ADAMTS17: variants seen among roughly 807,000 people sequenced by gnomAD.
ADAMTS17 encodes the protein A disintegrin and metalloproteinase with thrombospondin motifs 17.
ADAMTS17 carries 113 observed loss-of-function variants against 141.5 expected under a neutral mutation model. That is an observed-to-expected ratio of 0.80 (90% CI 0.69 to 0.93). The LOEUF is 0.93. Ranked by LOEUF, ADAMTS17 falls within the 40% of genes least tolerant of loss-of-function variation. The pLI is 0.00. For missense variants in ADAMTS17, 1,659 were observed against 1,517.9 expected, an observed-to-expected ratio of 1.09 and a Z score of -1.54; for synonymous variants, 768 against 630.6, an observed-to-expected ratio of 1.22 and a Z score of -3.27.
chr15:100,136,484 C>T (rs2038339833), intron 10 of ADAMTS17, among the ~76,000 whole-genome samples: 1 of 152,208 alleles, frequency 6.6e-6, no homozygotes, highest in African/African-American at 2.4e-5. Context: ...CTTGTCATCA[C>T]CTTGATGCCT....
chr15:100,263,107 G>A (rs1004949765), intron 4 of ADAMTS17, among the ~76,000 whole-genome samples: 4 of 152,136 alleles, frequency 2.6e-5, no homozygotes, highest in Admixed American at 1.3e-4. Context: ...AAAAAAGAAG[G>A]GGCAGAAGGT....
chr15:100,162,758 A>G (rs560106279), intron 8 of ADAMTS17, among the ~76,000 whole-genome samples: 1 of 140,820 alleles, frequency 7.1e-6, no homozygotes, highest in East Asian at 3.1e-4. Context: ...CATTATATAT[A>G]GGCACATATA....
At chr15:100,113,115 G>T (rs546342407) in intron 13 of ADAMTS17, among the ~76,000 whole-genome samples, 11 of 152,050 alleles carry the variant, frequency 7.2e-5, no homozygotes, top group Non-Finnish European at 1.6e-4. Flanking sequence ...ATCAGTCCCC[G>T]GCGGACAGGC....
chr15:100,207,603 G>A (rs2041626355), intron 7 of ADAMTS17, among the ~76,000 whole-genome samples: 2 of 152,224 alleles, frequency 1.3e-5, no homozygotes, highest in Non-Finnish European at 2.9e-5. Flanking sequence ...AGTTGTAGGA[G>A]CATCAGGTTG....
chr15:100,200,140 C>T (rs190048014), intron 7 of ADAMTS17, among the ~76,000 whole-genome samples: 11 of 152,332 alleles, frequency 7.2e-5, no homozygotes, highest in Middle Eastern at 3.4e-3. Context: ...CACACATGCT[C>T]GCACCTAAGG....
At position 99,991,825 on chromosome 15, in the gene ADAMTS17, C is replaced by T. The variant is rs569850317; in HGVS notation, c.2949+1223G>A. 1.7e-4 allele frequency among the ~76,000 whole-genome samples: 26 copies of T among 152,218 alleles called. No individual in the cohort carries two copies. In the South Asian group the frequency reaches 3.5e-3, roughly 21 times the overall value. ...AAGAAAATGTGGCACATATATACCA[C>T]GGAATACTATGCAGCCACAAAAAAG... On this transcript the variant is annotated intron_variant, in intron 20 of 21. Coordinates refer to ENST00000268070, the MANE Select transcript of ADAMTS17 (RefSeq NM_139057.4).
intron 18 of ADAMTS17, among the ~76,000 whole-genome samples, chr15:100,047,675 C>G (rs376953880): frequency 6.6e-6 from 1 of 152,162 alleles, no homozygotes; most frequent in East Asian, 1.9e-4. Flanking sequence ...CCTCCTCCAT[C>G]GTCTCTTACC....
At chr15:100,072,757 C>T (rs551470165) in intron 15 of ADAMTS17, among the ~76,000 whole-genome samples, 1 of 152,204 alleles carries the variant, frequency 6.6e-6, no homozygotes, top group Non-Finnish European at 1.5e-5. Context: ...AAAATTAATT[C>T]AAGATGGATT....
intron 14 of ADAMTS17, among the ~76,000 whole-genome samples, chr15:100,108,208 G>C (rs968493968): frequency 6.6e-6 from 1 of 150,730 alleles, no homozygotes; most frequent in Non-Finnish European, 1.5e-5. Context: ...GTCTTGCTTT[G>C]TTGCCCAGGC....
At chr15:100,105,066 C>T (rs570536136) in intron 14 of ADAMTS17, among the ~76,000 whole-genome samples, 1 of 152,352 alleles carries the variant, frequency 6.6e-6, no homozygotes, top group Non-Finnish European at 1.5e-5. Flanking sequence ...GGCTTTTTAA[C>T]TTCCTTCAGA....
intron 12 of ADAMTS17, among the ~76,000 whole-genome samples, chr15:100,127,275 G>T (rs1249989084): frequency 1.3e-5 from 2 of 152,120 alleles, no homozygotes; most frequent in Non-Finnish European, 2.9e-5. Context: ...CCTGGATTTG[G>T]GTGGGCCCTA....
chr15:100,252,032 C>G (rs2043171755), intron 7 of ADAMTS17, among the ~76,000 whole-genome samples: 1 of 152,082 alleles, frequency 6.6e-6, no homozygotes, highest in Admixed American at 6.5e-5. Context: ...GGCGCCCGAG[C>G]AAACCAATAA....
intron 7 of ADAMTS17, among the ~76,000 whole-genome samples, chr15:100,231,715 C>G (rs2042487538): frequency 6.6e-6 from 1 of 152,116 alleles, no homozygotes; most frequent in Admixed American, 6.5e-5. Flanking sequence ...TGGTCAGGTG[C>G]CGGTTTTTCT....
chr15:100,039,705 T>C (rs189348724), intron 18 of ADAMTS17, among the ~76,000 whole-genome samples: 41 of 152,324 alleles, frequency 2.7e-4, no homozygotes, highest in Non-Finnish European at 4.3e-4. Flanking sequence ...ATTCTGCTGT[T>C]GTTAGGTGGA....
chr15:100,191,128 G>A (rs2040901787), intron 8 of ADAMTS17, among the ~76,000 whole-genome samples: 1 of 152,206 alleles, frequency 6.6e-6, no homozygotes. Context: ...TGGTTATTTA[G>A]CCAAACTCAA....
chr15:100,067,078 C>T (rs1043042212), intron 15 of ADAMTS17, among the ~76,000 whole-genome samples: 16 of 151,350 alleles, frequency 1.1e-4, no homozygotes, highest in Admixed American at 8.6e-4. Flanking sequence ...TTGAAATACA[C>T]TTTTCCGCTG....
At chr15:100,268,449 C>G (rs1485820816) in intron 4 of ADAMTS17, among the ~76,000 whole-genome samples, 3 of 152,168 alleles carry the variant, frequency 2.0e-5, no homozygotes, top group Admixed American at 2.0e-4. Context: ...TGCACCTTGC[C>G]AGCATCTGTT....
intron 7 of ADAMTS17, among the ~76,000 whole-genome samples, chr15:100,222,325 C>T (rs1293568011): frequency 2.0e-5 from 3 of 152,138 alleles, no homozygotes; most frequent in South Asian, 2.1e-4. Flanking sequence ...ACCATGCTGG[C>T]GGGCAGACCA....
intron 8 of ADAMTS17, among the ~76,000 whole-genome samples, chr15:100,170,159 G>C (rs2040107021): frequency 6.6e-6 from 1 of 152,002 alleles, no homozygotes; most frequent in Non-Finnish European, 1.5e-5. Flanking sequence ...ATGGGGTGGG[G>C]GTAGAGAACT....
Sources: allele counts gnomAD v4.1 joint callset (sites outside exome capture counted in the v4.1 genomes callset), GRCh38; gene constraint gnomAD v4.1.1; transcripts MANE v1.5; gene names NCBI Gene and HGNC (gene_info 2026-07-23, HGNC 2026-07-21).